Variants in XPR1 observed in about 807,000 individuals in gnomAD.
XPR1 encodes the protein xenotropic and polytropic retrovirus receptor 1.
XPR1 carries 28 observed loss-of-function variants against 87.5 expected under a neutral mutation model. The observed-to-expected ratio is 0.32, with a 90% CI of 0.24 to 0.44. The LOEUF is 0.44. XPR1 is among the 20% of genes least tolerant of loss of function. The pLI is 1.00. For synonymous variants in XPR1, 300 were observed against 306.1 expected (o/e 0.98, Z 0.21); for missense variants, 559 against 862.3 (o/e 0.65, Z 4.41).
chr1:180,687,941 A>G (rs1179311704), intron 2 of XPR1, among the ~76,000 whole-genome samples: 1 of 150,762 alleles, frequency 6.6e-6, no homozygotes, highest in African/African-American at 2.4e-5. Flanking sequence ...TTCATTACCT[A>G]CTCTTCTATG....
At chr1:180,716,495 T>C (rs1657999428) in intron 2 of XPR1, among the ~76,000 whole-genome samples, 1 of 152,230 alleles carries the variant, frequency 6.6e-6, no homozygotes, top group African/African-American at 2.4e-5. Flanking sequence ...TTTATTGATA[T>C]CCACTCTTTA....
intron 11 of XPR1, among the ~76,000 whole-genome samples, chr1:180,858,062 C>A (rs1354023667): frequency 6.6e-6 from 1 of 151,804 alleles, no homozygotes; most frequent in Non-Finnish European, 1.5e-5. Flanking sequence ...ACTAAAAATA[C>A]AAAATTAGCC....
chr1:180,701,337 G>A (rs2101969759), intron 2 of XPR1, among the ~76,000 whole-genome samples: 1 of 85,736 alleles, frequency 1.2e-5, no homozygotes, highest in South Asian at 4.1e-4. Flanking sequence ...CATTCAGAAT[G>A]ATATTGGCTG....
chr1:180,754,661 C>A (rs901597081), intron 2 of XPR1, among the ~76,000 whole-genome samples: 3 of 151,950 alleles, frequency 2.0e-5, no homozygotes, highest in Non-Finnish European at 2.9e-5. Context: ...AGGGTTTCGC[C>A]ATGCTGCCCA....
intron 11 of XPR1, among the ~76,000 whole-genome samples, chr1:180,837,237 T>G (rs1454098768): frequency 6.6e-6 from 1 of 152,222 alleles, no homozygotes; most frequent in Admixed American, 6.5e-5. Context: ...AGAAAAGGCT[T>G]TTAAGTTCTG....
chr1:180,736,465 G>A (rs189568569), intron 2 of XPR1, among the ~76,000 whole-genome samples: 4 of 152,284 alleles, frequency 2.6e-5, no homozygotes, highest in Non-Finnish European at 2.9e-5. Flanking sequence ...GAAGCCCAGA[G>A]AACTTAGTGT....
intron 13 of XPR1, chr1:180,874,167 T>G: frequency 2.1e-6 from 1 of 470,394 alleles, no homozygotes; most frequent in Non-Finnish European, 3.7e-6. Flanking sequence ...AGTGCTGGGA[T>G]TACAGGCGTG....
rs1224978295 is a variant in XPR1 at position 180,884,457 on chromosome 1, C to G, written c.*391C>G. The stretch of plus-strand genomic sequence containing the variant: ...CGGCTTCCGCTCAGCCCGGTTTTGA[C>G]TGGTTGAAACCGGACATTGGTTTTT... On this transcript the variant is annotated 3_prime_UTR_variant, in exon 15 of 15. Transcript: ENST00000367590. The G allele has an allele frequency of 6.4e-6, 1 of 156,914 alleles. No individual in the cohort carries two copies. The highest frequency in any genetic ancestry group is 2.4e-5 in the African/African-American group (1 of 41,610). 9.7% of individuals were successfully genotyped at this position (156,914 alleles called of 1,614,324 possible). A position where few individuals can be genotyped will look rare whatever the true frequency, so the allele number is the denominator to read the frequency against.
At chr1:180,777,909 T>C (rs1648785527) in intron 2 of XPR1, among the ~76,000 whole-genome samples, 1 of 151,814 alleles carries the variant, frequency 6.6e-6, no homozygotes, top group African/African-American at 2.4e-5. Flanking sequence ...TGCAAAGAGG[T>C]AGTGGTGATA....
chr1:180,662,638 A>T (rs759202523), intron 1 of XPR1, among the ~76,000 whole-genome samples: 1 of 151,978 alleles, frequency 6.6e-6, no homozygotes, highest in Non-Finnish European at 1.5e-5. Flanking sequence ...GTGTTCTATA[A>T]CCTTCTTGTA....
intron 2 of XPR1, among the ~76,000 whole-genome samples, chr1:180,683,489 G>A (rs1033522597): frequency 1.3e-5 from 2 of 152,154 alleles, no homozygotes; most frequent in African/African-American, 4.8e-5. Context: ...CCAGTAATGG[G>A]ATGGCTGGGT....
At chr1:180,734,636 A>G (rs537205008) in intron 2 of XPR1, among the ~76,000 whole-genome samples, 20 of 152,328 alleles carry the variant, frequency 1.3e-4, no homozygotes, top group East Asian at 3.9e-4. Flanking sequence ...CAGTGGGCCA[A>G]TTTCACATGT....
chr1:180,640,494 T>C (rs1457723361), intron 1 of XPR1, among the ~76,000 whole-genome samples: 1 of 152,242 alleles, frequency 6.6e-6, no homozygotes, highest in Non-Finnish European at 1.5e-5. Flanking sequence ...GCGTACTGTT[T>C]TATGAAAAAT....
intron 7 of XPR1, among the ~76,000 whole-genome samples, chr1:180,824,196 A>T (rs1371915993): frequency 6.6e-6 from 1 of 152,224 alleles, no homozygotes; most frequent in Non-Finnish European, 1.5e-5. Flanking sequence ...GACATGCTGA[A>T]AGTCAAGTTT....
At chr1:180,657,951 T>C (rs1655593482) in intron 1 of XPR1, among the ~76,000 whole-genome samples, 1 of 152,182 alleles carries the variant, frequency 6.6e-6, no homozygotes, top group Non-Finnish European at 1.5e-5. Flanking sequence ...TGCATGTGTG[T>C]CCTCTTTAGT....
At chr1:180,774,384 C>CTTT (rs71121051) in intron 2 of XPR1, among the ~76,000 whole-genome samples, 74 of 68,810 alleles carry the variant, frequency 1.1e-3, no homozygotes, top group Admixed American at 1.3e-3. Context: ...TCTTTCCTAT[C>CTTT]TTTTTTTTTT....
At chr1:180,787,468 C>T (rs1649196906) in intron 2 of XPR1, among the ~76,000 whole-genome samples, 1 of 151,850 alleles carries the variant, frequency 6.6e-6, no homozygotes, top group Admixed American at 6.6e-5. Flanking sequence ...TTAGTAGAGA[C>T]GTGATTTCAC....
chr1:180,741,269 T>C (rs1185950067), intron 2 of XPR1, among the ~76,000 whole-genome samples: 1 of 152,106 alleles, frequency 6.6e-6, no homozygotes, highest in Non-Finnish European at 1.5e-5. Context: ...ATTCTAGTGA[T>C]TCTCCTACCT....
rs970189431 is a variant in XPR1, at chr1:180,772,420, A to C, written c.122-15333A>C. On this transcript the variant is annotated intron_variant, in intron 2 of 14. Coordinates refer to ENST00000367590, the MANE Select transcript of XPR1 (RefSeq NM_004736.4). ...AGATCTGAGTGCTAGACTTATTGTT[A>C]CTAGACTATTATTGCTGCTAGACTC... 2.6e-5 allele frequency among the ~76,000 whole-genome samples: 4 copies of C among 152,174 alleles called. No individual in the cohort carries two copies. The East Asian group carries it at 7.7e-4, about 29-fold the overall frequency.
Sources: gnomAD v4.1 joint callset for allele counts (sites outside exome capture counted in the v4.1 genomes callset) on GRCh38, gnomAD v4.1.1 for gene constraint, MANE v1.5 for transcripts, NCBI Gene and HGNC (gene_info 2026-07-23, HGNC 2026-07-21) for gene names.